NDUFB7: variants seen among roughly 807,000 people sequenced by gnomAD.
NDUFB7 encodes NADH dehydrogenase [ubiquinone] 1 beta subcomplex subunit 7.
Under a neutral mutation model 14.7 loss-of-function variants are expected in NDUFB7, and 18 were observed. The observed-to-expected ratio is 1.22, with a 90% CI of 0.85 to 1.81. The LOEUF is 1.81. Among genes scored for constraint, NDUFB7 ranks in the 40% most tolerant of loss-of-function variants. NDUFB7 has a pLI of 0.00. For synonymous variants in NDUFB7, 86 were observed against 76.1 expected (o/e 1.13, Z -0.68); for missense variants, 219 against 195.0 (o/e 1.12, Z -0.73).
rs2074126603 is a variant in NDUFB7 at position 14,571,821 on chromosome 19, CTGGGG to C, written c.112+63_112+67del. 2.1e-6 allele frequency: 3 copies of C among 1,458,726 alleles called. No individual in the cohort carries two copies. In the African/African-American group the frequency reaches 4.2e-5, roughly 21 times the overall value. The allele number at this position is 1,458,726 out of a possible 1,614,324, so 90.4% of individuals were successfully genotyped here. ...AGAGCCCAGCCCTGGGGTGCCAGCC[CTGGGG>C]TGCCAGGTGTTCAGGCACCCGCGCC... On this transcript the variant is annotated intron_variant, in intron 1 of 2. Transcript: ENST00000215565.
At position 14,567,107 on chromosome 19, in the gene NDUFB7, G is replaced by A. The variant is rs1266972396; in HGVS notation, c.113-174C>T. On this transcript the variant is annotated intron_variant, in intron 1 of 2. Coordinates refer to ENST00000215565, the MANE Select transcript of NDUFB7 (RefSeq NM_004146.6). This position sits in a 1 kb window ranked among gnomAD's most constrained non-coding sequence, Gnocchi z 5.1. ...TTGACGGATGCACTGTCCTGAAGGG[G>A]CCTCCTTTTCTAATTTGCACAAAGG... 6.6e-6 allele frequency among the ~76,000 whole-genome samples: 1 copy of A among 152,014 alleles called. No individual in the cohort carries two copies. Among genetic ancestry groups the A allele is most frequent in the African/African-American group, 2.4e-5 (1 of 41,382 alleles).
At chr19:14,571,590 T>G (rs1238569731) in intron 1 of NDUFB7, among the ~76,000 whole-genome samples, 5 of 138,612 alleles carry the variant, frequency 3.6e-5, no homozygotes, top group African/African-American at 1.4e-4. Flanking sequence ...AAAGCGAGAC[T>G]CCGTCTCAAA....
chr19:14,571,698 C>A (rs2074125916), intron 1 of NDUFB7, among the ~76,000 whole-genome samples, 191 bp downstream of exon 1: 1 of 152,250 alleles, frequency 6.6e-6, no homozygotes, highest in East Asian at 1.9e-4. Context: ...TTGCTCAAGC[C>A]GTGCCCTTGG....
rs2146641528 is a variant in NDUFB7, at chr19:14,567,008, G to A, written c.113-75C>T. 6.9e-7 allele frequency: 1 copy of A among 1,449,910 alleles called. No individual in the cohort carries two copies. Among genetic ancestry groups the A allele is most frequent in the Non-Finnish European group, 9.2e-7 (1 of 1,084,430 alleles). 89.8% of individuals were successfully genotyped at this position (1,449,910 alleles called of 1,614,324 possible). ...TTCCGGGGATCCCCAGGGGACCGAG[G>A]CACACGGCTTCAGGAAGGCACGGCT... On this transcript the variant is annotated intron_variant, in intron 1 of 2. Coordinates refer to ENST00000215565, the MANE Select transcript of NDUFB7 (RefSeq NM_004146.6). This position sits in a 1 kb window ranked among gnomAD's most constrained non-coding sequence, Gnocchi z 5.1.
chr19:14,569,291 G>A (rs1286657049), intron 1 of NDUFB7, among the ~76,000 whole-genome samples: 1 of 152,098 alleles, frequency 6.6e-6, no homozygotes, highest in South Asian at 2.1e-4. Context: ...CTGCAGGAAT[G>A]CGCCACCACA....
chr19:14,567,085 A>T lies in NDUFB7; in HGVS notation c.113-152T>A. On this transcript the variant is annotated intron_variant, in intron 1 of 2. Coordinates refer to ENST00000215565, the MANE Select transcript of NDUFB7 (RefSeq NM_004146.6). This position sits in a 1 kb window ranked among gnomAD's most constrained non-coding sequence, Gnocchi z 5.1. Reference sequence around the variant, plus strand: ...TGGCAGTGGATGGCAGATGCCTTTGACGGATGCACTGTCCTGAAGGGGCCT... The same window carrying T: ...TGGCAGTGGATGGCAGATGCCTTTGTCGGATGCACTGTCCTGAAGGGGCCT... 1.3e-6 allele frequency: 1 copy of T among 769,810 alleles called. No homozygotes were observed. Among genetic ancestry groups the T allele is most frequent in the Non-Finnish European group, 2.0e-6 (1 of 488,388 alleles). 47.7% of individuals were successfully genotyped at this position (769,810 alleles called of 1,614,324 possible). A position where few individuals can be genotyped will look rare whatever the true frequency, so the allele number is the denominator to read the frequency against.
rs2074096589 is a variant in NDUFB7, at chr19:14,567,215, G to C, written c.113-282C>G. 6.6e-6 allele frequency among the ~76,000 whole-genome samples: 1 copy of C among 152,048 alleles called. No individual in the cohort carries two copies. Among genetic ancestry groups the C allele is most frequent in the South Asian group, 2.1e-4 (1 of 4,822 alleles). On this transcript the variant is annotated intron_variant, in intron 1 of 2. Coordinates refer to ENST00000215565, the MANE Select transcript of NDUFB7 (RefSeq NM_004146.6). This position sits in a 1 kb window ranked among gnomAD's most constrained non-coding sequence, Gnocchi z 5.1. ...CCTCAACATCCCGTGCCGGATCCTT[G>C]CCTCCCCTCCCACAGGGATGCCCGT...
intron 2 of NDUFB7, 58 bp from the exon 3 acceptor site, chr19:14,566,323 G>A (rs2084697679): frequency 1.2e-6 from 2 of 1,609,026 alleles, no homozygotes; most frequent in Non-Finnish European, 8.5e-7. Context: ...CGCCCCCCAA[G>A]CCCTGGGAAG....
intron 1 of NDUFB7, among the ~76,000 whole-genome samples, 163 bp downstream of exon 1, chr19:14,571,726 C>A (rs1228511518): frequency 2.0e-5 from 3 of 152,270 alleles, no homozygotes; most frequent in Non-Finnish European, 4.4e-5. Context: ...CGCCTCCACA[C>A]TGAGGTGGGG....
At chr19:14,569,440 ATT>A (rs2074111720) in intron 1 of NDUFB7, among the ~76,000 whole-genome samples, 1 of 152,102 alleles carries the variant, frequency 6.6e-6, no homozygotes, top group African/African-American at 2.4e-5. Context: ...GGCATGAGCC[ATT>A]TTGCCTGGCT....
intron 2 of NDUFB7, 51 bp from the exon 3 acceptor site, chr19:14,566,316 C>T (rs772543474): frequency 8.7e-6 from 14 of 1,610,538 alleles, no homozygotes; most frequent in Non-Finnish European, 9.3e-6. Flanking sequence ...CAGGACACGC[C>T]CCCCAAGCCC....
In NDUFB7 at chr19:14,566,282, A is replaced by T. The variant is rs761828669; in HGVS notation, c.282-17T>A. On this transcript the variant is annotated splice_polypyrimidine_tract_variant and intron_variant, in intron 2 of 2. Transcript: ENST00000215565. ...ATCACATAGCTGGGGGAAAAGCACG[A>T]GAGGGGCTGTCAGGGTCCCTGGCCA... is the stretch of plus-strand genomic sequence containing the variant. 4 of 1,613,474 alleles carry T rather than the reference A, an allele frequency of 2.5e-6. No homozygotes were observed. Among genetic ancestry groups the T allele is most frequent in the Non-Finnish European group, 2.5e-6 (3 of 1,179,850 alleles).
Position 14,566,940 on chromosome 19 carries a change from G to A in NDUFB7, c.113-7C>T, listed in dbSNP as rs1305120047. The A allele has an allele frequency of 1.3e-6, 2 of 1,574,150 alleles. No individual in the cohort carries two copies. Among genetic ancestry groups the A allele is most frequent in the Non-Finnish European group, 1.7e-6 (2 of 1,164,514 alleles). On this transcript the variant is annotated splice_region_variant and splice_polypyrimidine_tract_variant and intron_variant, in intron 1 of 2. Transcript: ENST00000215565. ...TGCTGTGTGGCCACCATCTCTGCAG[G>A]GAGTGGGCGGGGCTCAACCAGGCTG...
In NDUFB7 at chr19:14,567,388, G is replaced by A. The variant is rs2074097784; in HGVS notation, c.113-455C>T. ...TGCAACCCACCCAAGGCCCAGCTCT[G>A]CACTGGCCGGCGGCGTGGCCTCTCT... On this transcript the variant is annotated intron_variant, in intron 1 of 2. Coordinates refer to ENST00000215565, the MANE Select transcript of NDUFB7 (RefSeq NM_004146.6). The surrounding 1 kb of genome is among the most constrained non-coding windows in gnomAD (Gnocchi z 5.1). Among the ~76,000 whole-genome samples the A allele has an allele frequency of 7.6e-6, 1 of 132,290 alleles. No individual in the cohort carries two copies. Among genetic ancestry groups the A allele is most frequent in the African/African-American group, 3.0e-5 (1 of 33,450 alleles). 86.8% of individuals were successfully genotyped at this position (132,290 alleles called of 152,430 possible). A position where few individuals can be genotyped will look rare whatever the true frequency, so the allele number is the denominator to read the frequency against.
In NDUFB7 at chr19:14,571,905, G is replaced by C. The variant is rs769924183; in HGVS notation, c.96C>G (p.Pro32=). 15 of 1,610,712 alleles carry C rather than the reference G, an allele frequency of 9.3e-6. No homozygotes were observed. The highest frequency in any genetic ancestry group is 8.4e-5 in the Admixed American group (5 of 59,594). Residue 32 remains proline, a synonymous_variant, in exon 1 of 3, where the codon CCC becomes CCG. Transcript: ENST00000215565. ...GGGCCTCACCGCGCTCCTTGCGTTC[G>C]GGGAAGCCGTAGTCTGGCGGGAAGG... ...MPTFPPDYGF[P]ERKEREMVAT... is the part of the protein sequence containing the mutation.
chr19:14,571,351 T>G (rs916159780), intron 1 of NDUFB7, among the ~76,000 whole-genome samples: 2 of 150,778 alleles, frequency 1.3e-5, no homozygotes, highest in African/African-American at 4.9e-5. Context: ...ATCCCAGCAC[T>G]TGGGGAGGCC....
chr19:14,571,107 G>C (rs140747762), intron 1 of NDUFB7, among the ~76,000 whole-genome samples: 1 of 151,692 alleles, frequency 6.6e-6, no homozygotes, highest in African/African-American at 2.4e-5. Context: ...GCAATGAGCT[G>C]TGATTGTGCC....
rs1029241942 is a variant in NDUFB7, at chr19:14,567,217, C to T, written c.113-284G>A. ...TCAACATCCCGTGCCGGATCCTTGC[C>T]TCCCCTCCCACAGGGATGCCCGTCC... On this transcript the variant is annotated intron_variant, in intron 1 of 2. Coordinates refer to ENST00000215565, the MANE Select transcript of NDUFB7 (RefSeq NM_004146.6). This position sits in a 1 kb window ranked among gnomAD's most constrained non-coding sequence, Gnocchi z 5.1. Among the ~76,000 whole-genome samples the T allele has an allele frequency of 6.6e-6, 1 of 152,134 alleles. No individual in the cohort carries two copies. Among genetic ancestry groups the T allele is most frequent in the East Asian group, 1.9e-4 (1 of 5,182 alleles).
intron 1 of NDUFB7, among the ~76,000 whole-genome samples, chr19:14,570,810 T>C (rs551745849): frequency 7.9e-5 from 12 of 152,312 alleles, no homozygotes; most frequent in African/African-American, 2.6e-4. Context: ...GGCCCAGAGC[T>C]GGTGCTCGGT....
Sources: allele counts gnomAD v4.1 joint callset (sites outside exome capture counted in the v4.1 genomes callset), GRCh38; gene constraint gnomAD v4.1.1; non-coding constraint Gnocchi (gnomAD v3.1); transcripts MANE v1.5; gene names NCBI Gene and HGNC (gene_info 2026-07-23, HGNC 2026-07-21).